The following NALF1 variants were observed in gnomAD, a reference collection of about 807,000 sequenced individuals.
The protein encoded by NALF1 is family with sequence similarity 155 member A.
A neutral mutation model predicts 48.4 loss-of-function variants in NALF1; 3 were observed. The observed-to-expected ratio is 0.06, with a 90% CI of 0.03 to 0.16. NALF1 has a LOEUF of 0.16. Ranked by LOEUF, NALF1 falls within the 10% of genes least tolerant of loss-of-function variation. NALF1 has a pLI of 1.00. For missense variants in NALF1, 526 were observed against 571.5 expected (o/e 0.92, Z 0.81); for synonymous variants, 262 against 245.7 (o/e 1.07, Z -0.62).
At chr13:107,804,402 G>GCCATTTTTTT (rs1001625352) in intron 1 of NALF1, among the ~76,000 whole-genome samples, 1 of 143,700 alleles carries the variant, frequency 7.0e-6, no homozygotes, top group Non-Finnish European at 1.6e-5. Context: ...GAGCTCAGAG[G>GCCATTTTTTT]CCATTTTTTT....
chr13:107,378,227 A>G (rs536449219), intron 1 of NALF1, among the ~76,000 whole-genome samples: 19 of 152,292 alleles, frequency 1.2e-4, no homozygotes, highest in African/African-American at 4.1e-4. Flanking sequence ...AAACAAACCA[A>G]GAGGTTCTTA....
At chr13:107,818,804 G>A (rs1403813807) in intron 1 of NALF1, among the ~76,000 whole-genome samples, 62 of 137,510 alleles carry the variant, frequency 4.5e-4, no homozygotes, top group African/African-American at 1.6e-3. Flanking sequence ...CCCGGGAGGC[G>A]GAGCTTGCAG....
Position 107,824,010 on chromosome 13 carries a change from C to T in NALF1, c.915+41672G>A, listed in dbSNP as rs1182900518. Reference sequence around the variant, plus strand: ...TATTATTATTATTATTATTATTGGTCCCCATCATTCCTTAAAGGCAAAGGC... The same window carrying T: ...TATTATTATTATTATTATTATTGGTTCCCATCATTCCTTAAAGGCAAAGGC... On this transcript the variant is annotated intron_variant, in intron 1 of 2. Transcript: ENST00000375915. 6.2e-5 allele frequency among the ~76,000 whole-genome samples: 8 copies of T among 129,324 alleles called. 1 individual carries two copies. Among genetic ancestry groups the T allele is most frequent in the Admixed American group, 4.7e-4 (6 of 12,712 alleles). The allele number at this position is 129,324 out of a possible 152,430, so 84.8% of individuals were successfully genotyped here. A position where few individuals can be genotyped will look rare whatever the true frequency, so the allele number is the denominator to read the frequency against.
At chr13:107,174,114 C>T (rs1878861963) in intron 2 of NALF1, among the ~76,000 whole-genome samples, 1 of 151,994 alleles carries the variant, frequency 6.6e-6, no homozygotes. Flanking sequence ...TTGGGGTACG[C>T]TTATTTGTTG....
chr13:107,787,692 G>A (rs1878115724), intron 1 of NALF1, among the ~76,000 whole-genome samples: 1 of 152,214 alleles, frequency 6.6e-6, no homozygotes, highest in South Asian at 2.1e-4. Context: ...CTGAAGTTAT[G>A]TTTTTAGAAA....
intron 1 of NALF1, among the ~76,000 whole-genome samples, chr13:107,375,925 C>T (rs1033151982): frequency 6.7e-6 from 1 of 148,890 alleles, no homozygotes; most frequent in African/African-American, 2.5e-5. Context: ...ACCTGCTATA[C>T]ACACACACAC....
At chr13:107,781,862 C>A (rs1275904091) in intron 1 of NALF1, among the ~76,000 whole-genome samples, 8 of 152,138 alleles carry the variant, frequency 5.3e-5, no homozygotes, top group Non-Finnish European at 1.0e-4. Context: ...TTATCAAACC[C>A]ACACTGCCTA....
intron 1 of NALF1, among the ~76,000 whole-genome samples, chr13:107,833,082 C>G (rs1405730395): frequency 6.6e-6 from 1 of 152,206 alleles, no homozygotes; most frequent in African/African-American, 2.4e-5. Flanking sequence ...GCTAATGGTA[C>G]CCGCCCTGCA....
At chr13:107,286,638 A>G (rs1455139884) in intron 1 of NALF1, among the ~76,000 whole-genome samples, 1 of 151,934 alleles carries the variant, frequency 6.6e-6, no homozygotes, top group Non-Finnish European at 1.5e-5. Context: ...AGCTGGAAAT[A>G]GCCCAAGTGC....
At chr13:107,270,172 C>T (rs1457368519) in intron 1 of NALF1, among the ~76,000 whole-genome samples, 2 of 151,952 alleles carry the variant, frequency 1.3e-5, no homozygotes, top group Non-Finnish European at 2.9e-5. Flanking sequence ...GTTTCTATTC[C>T]AGGAATAATC....
chr13:107,286,120 G>GA (rs1264357249), intron 1 of NALF1, among the ~76,000 whole-genome samples: 2 of 152,184 alleles, frequency 1.3e-5, no homozygotes, highest in Non-Finnish European at 2.9e-5. Flanking sequence ...TCAAACTGTT[G>GA]AAAGTCATAG....
rs1169955354 is a variant in NALF1, at chr13:107,166,950, C to CT, written c.*3546dup. 3 of 152,170 alleles carry CT rather than the reference C, an allele frequency of 2.0e-5. No individual in the cohort carries two copies. Among genetic ancestry groups the CT allele is most frequent in the Non-Finnish European group, 4.4e-5 (3 of 68,030 alleles). The allele number at this position is 152,170 out of a possible 1,614,324, so 9.4% of individuals were successfully genotyped here. On this transcript the variant is annotated 3_prime_UTR_variant, in exon 3 of 3. Coordinates refer to ENST00000375915, the MANE Select transcript of NALF1 (RefSeq NM_001080396.3). Reference sequence around the variant, plus strand: ...CATTTAAAAGAACAACTTTCACTTACTGCCTTGTGAGAGAGGGGAAAAATA... The same window carrying CT: ...CATTTAAAAGAACAACTTTCACTTACTTGCCTTGTGAGAGAGGGGAAAAATA...
chr13:107,771,447 C>A (rs1877573641), intron 1 of NALF1, among the ~76,000 whole-genome samples: 1 of 150,310 alleles, frequency 6.7e-6, no homozygotes, highest in Non-Finnish European at 1.5e-5. Flanking sequence ...TCCTTAACAG[C>A]ATAAATGTAT....
At chr13:107,436,477 C>T (rs1389804905) in intron 1 of NALF1, among the ~76,000 whole-genome samples, 1 of 152,086 alleles carries the variant, frequency 6.6e-6, no homozygotes, top group African/African-American at 2.4e-5. Context: ...GTTTTTAAAC[C>T]TATGATCATT....
chr13:107,416,719 C>T lies in NALF1; in HGVS notation c.916-205964G>A, dbSNP rs568043094. 2.6e-5 allele frequency among the ~76,000 whole-genome samples: 4 copies of T among 152,274 alleles called. No individual in the cohort carries two copies. The East Asian group carries it at 7.7e-4, about 29-fold the overall frequency. On this transcript the variant is annotated intron_variant, in intron 1 of 2. Transcript: ENST00000375915. Reference sequence around the variant, plus strand: ...AAGGTCAAAAGTTACATGCAGATTTCTGAGGGGGTCTATCCCCAACCCTCA... The same window carrying T: ...AAGGTCAAAAGTTACATGCAGATTTTTGAGGGGGTCTATCCCCAACCCTCA...
rs1244384378 is a variant in NALF1 at position 107,467,502 on chromosome 13, T to C, written c.916-256747A>G. On this transcript the variant is annotated intron_variant, in intron 1 of 2. Transcript: ENST00000375915. ...ATCTACCCACAAAGGGATAGCAGCA[T>C]ATTCAATCCTACTTGCTCTTCTTGA... Among the ~76,000 whole-genome samples the C allele has an allele frequency of 3.9e-5, 6 of 152,352 alleles. No homozygotes were observed. In the East Asian group the frequency reaches 9.6e-4, roughly 24 times the overall value.
Position 107,675,167 on chromosome 13 carries a change from G to A in NALF1, c.915+190515C>T, listed in dbSNP as rs189352330. 8.8e-4 allele frequency among the ~76,000 whole-genome samples: 134 copies of A among 152,250 alleles called. 1 individual carries two copies. The highest frequency in any genetic ancestry group is 3.0e-3 in the African/African-American group (124 of 41,546). On this transcript the variant is annotated intron_variant, in intron 1 of 2. Coordinates refer to ENST00000375915, the MANE Select transcript of NALF1 (RefSeq NM_001080396.3). The stretch of plus-strand genomic sequence containing the variant: ...TCATGTTAGATTTTCACTTCCCAAA[G>A]GAAACTGACATTCTGTGTACCATTT...
intron 1 of NALF1, among the ~76,000 whole-genome samples, chr13:107,710,189 A>G (rs770212198): frequency 3.3e-5 from 5 of 152,102 alleles, no homozygotes; most frequent in Non-Finnish European, 7.4e-5. Context: ...AGAAAGAAAG[A>G]AAAGAAAGGA....
At chr13:107,357,726 A>G (rs965698870) in intron 1 of NALF1, among the ~76,000 whole-genome samples, 2 of 152,252 alleles carry the variant, frequency 1.3e-5, no homozygotes, top group Admixed American at 1.3e-4. Context: ...TGTTGCTACT[A>G]AAGAGCTGAA....
Sources: allele counts gnomAD v4.1 joint callset (sites outside exome capture counted in the v4.1 genomes callset), GRCh38; gene constraint gnomAD v4.1.1; transcripts MANE v1.5; gene names NCBI Gene and HGNC (gene_info 2026-07-23, HGNC 2026-07-21).